The following COL4A6 variants were observed in gnomAD, a reference collection of about 807,000 sequenced individuals.
COL4A6 encodes collagen type IV alpha 6 chain, also known as collagen alpha-6(IV) chain.
A neutral mutation model predicts 126.7 loss-of-function variants in COL4A6; 59 were observed. The ratio of observed to expected loss-of-function variants is 0.47; its 90% confidence interval spans 0.38 to 0.58. COL4A6 has a LOEUF of 0.58. COL4A6 is among the 20% of genes least tolerant of loss of function. The pLI, the probability that COL4A6 is intolerant of heterozygous loss-of-function variation, is 0.00. For synonymous variants in COL4A6, 547 were observed against 496.6 expected, an observed-to-expected ratio of 1.10 and a Z score of -1.35; for missense variants, 1,285 against 1,337.3, an observed-to-expected ratio of 0.96 and a Z score of 0.61.
At chrX:108,193,824 T>C in intron 16 of COL4A6, 127 bp from the exon 17 acceptor site, 1 of 504,497 alleles carries the variant, frequency 2.0e-6, no homozygotes, top group Non-Finnish European at 3.4e-6. Context: ...ATTTTCAAGA[T>C]CAACTAGTCC....
chrX:108,353,100 A>G (rs12012299), intron 2 of COL4A6, among the ~76,000 whole-genome samples: 2,217 of 111,736 alleles, frequency 0.02, 49 homozygotes, highest in African/African-American at 0.068. Context: ...GAAGAAAAAA[A>G]GGCTAGACAA....
Position 108,310,930 on chromosome X carries a change from G to T in COL4A6, c.64-102C>A, listed in dbSNP as rs1925689926. 1.1e-5 allele frequency: 7 copies of T among 612,998 alleles called. No homozygotes were observed. In the South Asian group the frequency reaches 2.0e-4, roughly 18 times the overall value. 50.5% of individuals were successfully genotyped at this position (612,998 alleles called of 1,213,427 possible). A position where few individuals can be genotyped will look rare whatever the true frequency, so the allele number is the denominator to read the frequency against. On this transcript the variant is annotated intron_variant, in intron 2 of 44. Transcript: ENST00000334504. Reference sequence around the variant, plus strand: ...TTCTTTACCAAGTAAATCTATTGCGGCTTAATGATCTTATCTGATGTTGTC... The same window carrying T: ...TTCTTTACCAAGTAAATCTATTGCGTCTTAATGATCTTATCTGATGTTGTC...
intron 2 of COL4A6, among the ~76,000 whole-genome samples, chrX:108,326,479 C>G (rs2147958389): frequency 9.0e-6 from 1 of 111,598 alleles, no homozygotes; most frequent in African/African-American, 3.3e-5. Context: ...TATGAAAATC[C>G]AAAGGACCTA....
chrX:108,161,804 G>A (rs1320041095), intron 41 of COL4A6, 69 bp from the exon 42 acceptor site: 6 of 705,782 alleles, frequency 8.5e-6, no homozygotes, highest in Non-Finnish European at 1.3e-5. Context: ...CCCAGGAAAG[G>A]GGACTTATGT....
chrX:108,400,056 G>A (rs1010602260), intron 2 of COL4A6, among the ~76,000 whole-genome samples: 6 of 111,359 alleles, frequency 5.4e-5, no homozygotes, highest in East Asian at 2.8e-4. Flanking sequence ...TTTCTTTTCC[G>A]AAGGCCAGTA....
intron 3 of COL4A6, among the ~76,000 whole-genome samples, chrX:108,240,167 C>T (rs372667969): frequency 5.4e-5 from 6 of 111,265 alleles, no homozygotes; most frequent in South Asian, 3.8e-4. Flanking sequence ...CATTTGAACC[C>T]GGGAGGCAGA....
intron 2 of COL4A6, among the ~76,000 whole-genome samples, chrX:108,351,913 T>C (rs1443447526): frequency 8.9e-6 from 1 of 112,123 alleles, no homozygotes; most frequent in Non-Finnish European, 1.9e-5. Context: ...ATTCACTGCA[T>C]GAGGCTTGTA....
intron 2 of COL4A6, among the ~76,000 whole-genome samples, chrX:108,350,907 CT>C: frequency 9.0e-6 from 1 of 111,694 alleles, no homozygotes; most frequent in African/African-American, 3.3e-5. Flanking sequence ...AAATCGAACC[CT>C]TTCCTTCTCA....
chrX:108,165,346 C>T (rs757696524), intron 38 of COL4A6, 24 bp downstream of exon 38: 3 of 1,148,098 alleles, frequency 2.6e-6, no homozygotes. Context: ...GTGGCTAGCC[C>T]TCTTTTGGGC....
intron 2 of COL4A6, among the ~76,000 whole-genome samples, chrX:108,324,760 G>A (rs2039113252): frequency 9.0e-6 from 1 of 111,710 alleles, no homozygotes; most frequent in Non-Finnish European, 1.9e-5. Flanking sequence ...CTTGCTCACA[G>A]ATGGGGAAAG....
chrX:108,423,205 C>T (rs1023011049), intron 2 of COL4A6, among the ~76,000 whole-genome samples: 3 of 111,646 alleles, frequency 2.7e-5, no homozygotes, highest in South Asian at 7.5e-4. Flanking sequence ...CAAGGCAAAA[C>T]GTTATGTGAT....
chrX:108,286,111 CAT>C (rs1250989222), intron 3 of COL4A6, among the ~76,000 whole-genome samples: 3 of 111,859 alleles, frequency 2.7e-5, no homozygotes, highest in Non-Finnish European at 5.6e-5. Context: ...CAATGATAAA[CAT>C]GTGCATAAGT....
At chrX:108,204,175 G>C (rs778667455) in intron 12 of COL4A6, 145 bp downstream of exon 12, 12 of 373,316 alleles carry the variant, frequency 3.2e-5, no homozygotes, top group East Asian at 1.3e-4. Context: ...AACAAAGAAG[G>C]CTTTTTACTC....
intron 2 of COL4A6, among the ~76,000 whole-genome samples, chrX:108,335,935 T>C (rs1303284646): frequency 9.0e-6 from 1 of 111,304 alleles, no homozygotes; most frequent in Non-Finnish European, 1.9e-5. Context: ...AAAACAACCC[T>C]ATTCAGCAGA....
At chrX:108,376,215 T>C (rs1305607610) in intron 2 of COL4A6, among the ~76,000 whole-genome samples, 1 of 111,634 alleles carries the variant, frequency 9.0e-6, no homozygotes, top group African/African-American at 3.3e-5. Flanking sequence ...CTCAAGAGTG[T>C]TATTTCTGAA....
chrX:108,221,312 A>G lies in COL4A6; in HGVS notation c.207T>C (p.Thr69=), dbSNP rs775967918. The stretch of plus-strand genomic sequence containing the variant: ...TTTCTCCTTTCAATCCCGATAAACC[A>G]GTAGAGCCAGTGAATCCTTGAGGAC... The part of the protein sequence containing the change: ...PTGPQGFTGS[T]GLSGLKGERG... The change falls in exon 4 of 45, where the codon ACT becomes ACC. Residue 69 remains threonine (T), a synonymous_variant. Coordinates refer to ENST00000334504, the MANE Select transcript of COL4A6 (RefSeq NM_033641.4). 8.3e-7 allele frequency: 1 copy of G among 1,211,617 alleles called. No individual in the cohort carries two copies. Among genetic ancestry groups the G allele is most frequent in the East Asian group, 3.0e-5 (1 of 33,835 alleles).
intron 37 of COL4A6, 133 bp downstream of exon 37, chrX:108,169,362 G>A: frequency 2.4e-6 from 2 of 847,742 alleles, no homozygotes; most frequent in Non-Finnish European, 3.3e-6. Context: ...CATTCCCACT[G>A]GGTTGTGAGA....
At chrX:108,363,875 C>A (rs970542686) in intron 2 of COL4A6, among the ~76,000 whole-genome samples, 2 of 110,988 alleles carry the variant, frequency 1.8e-5, no homozygotes, top group African/African-American at 6.6e-5. Flanking sequence ...TAGCCCCCCA[C>A]CTTTTTTTTT....
intron 20 of COL4A6, 138 bp from the exon 21 acceptor site, chrX:108,188,815 T>C (rs2034952019): frequency 1.8e-5 from 11 of 605,289 alleles, no homozygotes; most frequent in Non-Finnish European, 2.6e-5. Context: ...TCAAATGAAC[T>C]TGGTTCACTC....
Sources: allele counts gnomAD v4.1 joint callset (sites outside exome capture counted in the v4.1 genomes callset), GRCh38; gene constraint gnomAD v4.1.1; transcripts MANE v1.5; gene names NCBI Gene and HGNC (gene_info 2026-07-23, HGNC 2026-07-21).